Variants in CELF2 observed in about 807,000 individuals in gnomAD.
CELF2 encodes CUGBP Elav-like family member 2.
A neutral mutation model predicts 62.6 loss-of-function variants in CELF2; 8 were observed. That is an observed-to-expected ratio of 0.13 (90% CI 0.07 to 0.23). The LOEUF (loss-of-function observed/expected upper bound fraction) is 0.23, where lower values mean the gene tolerates loss of function less well. Ranked by LOEUF, CELF2 falls within the 10% of genes least tolerant of loss-of-function variation. The probability of loss-of-function intolerance (pLI) is 1.00; values close to 1 mark genes in which losing one functional copy is unlikely to be tolerated. For synonymous variants in CELF2, 258 were observed against 250.0 expected, an observed-to-expected ratio of 1.03 and a Z score of -0.30; for missense variants, 333 against 671.0, an observed-to-expected ratio of 0.50 and a Z score of 5.56.
intron 1 of CELF2, among the ~76,000 whole-genome samples, chr10:11,055,668 C>G (rs1454834934): frequency 6.6e-6 from 1 of 152,228 alleles, no homozygotes; most frequent in Non-Finnish European, 1.5e-5. Context: ...TAAATGTGGC[C>G]TAATTTTGAT....
At chr10:10,732,483 A>G in the CELF2 span, among the ~76,000 whole-genome samples, 2 of 150,764 alleles carry the variant, frequency 1.3e-5, no homozygotes, top group Admixed American at 1.3e-4. Context: ...ACTTTGCAAT[A>G]AAGTTCTTTG....
At chr10:10,650,194 A>T in the CELF2 span, among the ~76,000 whole-genome samples, 1 of 152,242 alleles carries the variant, frequency 6.6e-6, no homozygotes, top group Non-Finnish European at 1.5e-5. Flanking sequence ...GAGGGAAATT[A>T]AAAAGAAAAA....
chr10:10,849,843 A>T (rs1447232449), intron 1 of CELF2, among the ~76,000 whole-genome samples: 1 of 82,720 alleles, frequency 1.2e-5, no homozygotes. Flanking sequence ...CAATTGCTTT[A>T]AAAAAAAAAA....
At chr10:11,120,723 C>A (rs1031827146) in intron 1 of CELF2, among the ~76,000 whole-genome samples, 8 of 152,170 alleles carry the variant, frequency 5.3e-5, no homozygotes, top group African/African-American at 1.9e-4. Context: ...TCCAGCTTCC[C>A]CACCCCTCAC....
the CELF2 span, among the ~76,000 whole-genome samples, chr10:10,489,363 A>G: frequency 1.3e-5 from 2 of 152,166 alleles, no homozygotes; most frequent in African/African-American, 4.8e-5. Context: ...CATTTGTAGC[A>G]TAATGAGAGT....
intron 1 of CELF2, among the ~76,000 whole-genome samples, chr10:11,055,389 CAG>C (rs2064999207): frequency 6.6e-6 from 1 of 152,126 alleles, no homozygotes; most frequent in Non-Finnish European, 1.5e-5. Context: ...GTTTCTGAGT[CAG>C]AAAAACTGAG....
chr10:11,281,382 G>A (rs951563239), intron 8 of CELF2, among the ~76,000 whole-genome samples: 2 of 152,208 alleles, frequency 1.3e-5, no homozygotes, highest in East Asian at 1.9e-4. Context: ...AGCGGCGGAC[G>A]AGGGTCTGTC....
chr10:10,700,992 A>C, the CELF2 span, among the ~76,000 whole-genome samples: 1 of 152,120 alleles, frequency 6.6e-6, no homozygotes, highest in Non-Finnish European at 1.5e-5. Flanking sequence ...CTGCACTTCA[A>C]CTCAAGGACC....
chr10:10,494,110 G>T, the CELF2 span, among the ~76,000 whole-genome samples: 2 of 152,172 alleles, frequency 1.3e-5, no homozygotes, highest in Non-Finnish European at 2.9e-5. Flanking sequence ...AGCAGTCTTT[G>T]CCTGGCACGG....
chr10:10,564,568 C>G, the CELF2 span, among the ~76,000 whole-genome samples: 1 of 151,230 alleles, frequency 6.6e-6, no homozygotes, highest in Non-Finnish European at 1.5e-5. Context: ...ACCTCTTTAC[C>G]CTTTTCATCT....
At chr10:10,635,417 T>C in the CELF2 span, among the ~76,000 whole-genome samples, 1 of 152,234 alleles carries the variant, frequency 6.6e-6, no homozygotes, top group Non-Finnish European at 1.5e-5. Flanking sequence ...ATCAATTATT[T>C]TTCTAGAAGG....
chr10:10,477,251 G>A, the CELF2 span, among the ~76,000 whole-genome samples: 1 of 152,144 alleles, frequency 6.6e-6, no homozygotes, highest in Non-Finnish European at 1.5e-5. Context: ...CATTCCATAA[G>A]ATGGGGTTGG....
At chr10:10,863,677 G>C (rs1321824620) in intron 1 of CELF2, among the ~76,000 whole-genome samples, 1 of 152,122 alleles carries the variant, frequency 6.6e-6, no homozygotes, top group Non-Finnish European at 1.5e-5. Flanking sequence ...TGGAGACCAG[G>C]CCTGAAGATT....
chr10:11,092,697 G>A (rs1334289469), intron 1 of CELF2, among the ~76,000 whole-genome samples: 3 of 152,174 alleles, frequency 2.0e-5, no homozygotes, highest in African/African-American at 7.2e-5. Flanking sequence ...TCTTCTCTGG[G>A]TATAGACAAG....
the CELF2 span, among the ~76,000 whole-genome samples, chr10:10,563,540 G>A: frequency 1.3e-5 from 2 of 151,026 alleles, no homozygotes; most frequent in Admixed American, 6.6e-5. Context: ...CCCAGGAGAC[G>A]GAGGTTGCAG....
At chr10:10,943,317 G>A (rs993067081) in intron 2 of CELF2, among the ~76,000 whole-genome samples, 1 of 152,198 alleles carries the variant, frequency 6.6e-6, no homozygotes, top group Non-Finnish European at 1.5e-5. Context: ...GTTGCTACCT[G>A]TGAGGGGCAG....
chr10:10,976,562 C>T (rs2051364007), intron 2 of CELF2, among the ~76,000 whole-genome samples: 1 of 152,008 alleles, frequency 6.6e-6, no homozygotes, highest in Non-Finnish European at 1.5e-5. Flanking sequence ...TTTCATTTTG[C>T]TCCTTTTTCT....
chr10:11,182,155 C>T (rs907208155), intron 2 of CELF2, among the ~76,000 whole-genome samples: 1 of 152,222 alleles, frequency 6.6e-6, no homozygotes, highest in Non-Finnish European at 1.5e-5. Context: ...CACCTGAAAC[C>T]CCGCCAGACT....
the CELF2 span, among the ~76,000 whole-genome samples, chr10:10,568,839 A>G: frequency 1.3e-5 from 2 of 152,158 alleles, no homozygotes; most frequent in South Asian, 4.1e-4. Context: ...CTAGGGAAGT[A>G]TGGTGGAATT....
Sources: allele counts gnomAD v4.1 joint callset (sites outside exome capture counted in the v4.1 genomes callset), GRCh38; gene constraint gnomAD v4.1.1; transcripts MANE v1.5; gene names NCBI Gene and HGNC (gene_info 2026-07-23, HGNC 2026-07-21).